Variants in ALX4 observed in about 807,000 individuals in gnomAD.
The protein encoded by ALX4 is ALX homeobox 4.
A neutral mutation model predicts 40.6 loss-of-function variants in ALX4; 22 were observed. The observed-to-expected ratio is 0.54, with a 90% confidence interval of 0.39 to 0.77. ALX4 has a LOEUF of 0.77. Among genes scored for constraint, ALX4 ranks in the 30% least tolerant of loss-of-function variants. ALX4 has a pLI of 0.00. For missense variants in ALX4, 556 were observed against 564.8 expected, an observed-to-expected ratio of 0.98 and a Z score of 0.16; for synonymous variants, 266 against 240.5, an observed-to-expected ratio of 1.11 and a Z score of -0.98.
chr11:44,272,941 A>G (rs1216790827), intron 2 of ALX4, among the ~76,000 whole-genome samples: 1 of 152,208 alleles, frequency 6.6e-6, no homozygotes, highest in Non-Finnish European at 1.5e-5. Context: ...GATAACCACT[A>G]GTCCTTTTCC....
intron 2 of ALX4, among the ~76,000 whole-genome samples, chr11:44,274,350 G>T (rs1208700729): frequency 6.6e-6 from 1 of 151,908 alleles, no homozygotes; most frequent in East Asian, 1.9e-4. Context: ...TGTTGTGTTG[G>T]AAGGGGCTGC....
intron 1 of ALX4, among the ~76,000 whole-genome samples, chr11:44,286,077 A>AAAG (rs1353159617): frequency 6.6e-6 from 1 of 152,190 alleles, no homozygotes; most frequent in Admixed American, 6.5e-5. Context: ...GTCTGCAGGA[A>AAAG]AAGGCCCCAG....
intron 1 of ALX4, among the ~76,000 whole-genome samples, chr11:44,276,789 G>A (rs573011240): frequency 8.5e-5 from 13 of 152,286 alleles, no homozygotes; most frequent in African/African-American, 2.4e-4. Flanking sequence ...TAAGGAGCAC[G>A]CAACCTAGAT....
intron 1 of ALX4, among the ~76,000 whole-genome samples, chr11:44,304,214 T>G (rs1357913718): frequency 6.6e-6 from 1 of 152,260 alleles, no homozygotes; most frequent in South Asian, 2.1e-4. Context: ...GGACCTGTGC[T>G]GATGGCCGGA....
chr11:44,295,764 G>C (rs957037653), intron 1 of ALX4, among the ~76,000 whole-genome samples: 6 of 152,256 alleles, frequency 3.9e-5, no homozygotes, highest in Non-Finnish European at 7.3e-5. Flanking sequence ...TAAAGGAAGT[G>C]GTCCCAGATG....
intron 2 of ALX4, among the ~76,000 whole-genome samples, chr11:44,271,084 C>A (rs1356893921): frequency 1.3e-5 from 2 of 152,186 alleles, no homozygotes; most frequent in African/African-American, 4.8e-5. Context: ...AGGCACCTGG[C>A]TTGCCACCAG....
At chr11:44,266,159 G>C (rs1011607049) in intron 3 of ALX4, among the ~76,000 whole-genome samples, 1 of 152,108 alleles carries the variant, frequency 6.6e-6, no homozygotes, top group African/African-American at 2.4e-5. Flanking sequence ...CAGGGGAAGG[G>C]GGACCGGTTG....
At chr11:44,302,620 G>C (rs1956441047) in intron 1 of ALX4, among the ~76,000 whole-genome samples, 2 of 152,176 alleles carry the variant, frequency 1.3e-5, no homozygotes, top group Non-Finnish European at 2.9e-5. Flanking sequence ...GGACACAGGG[G>C]CCATGAGCCC....
At chr11:44,272,866 T>C (rs1441304440) in intron 2 of ALX4, among the ~76,000 whole-genome samples, 1 of 152,116 alleles carries the variant, frequency 6.6e-6, no homozygotes, top group African/African-American at 2.4e-5. Context: ...TTACAGCAAC[T>C]CAACCGTGCA....
intron 2 of ALX4, among the ~76,000 whole-genome samples, chr11:44,272,483 G>A (rs990825252): frequency 4.2e-5 from 6 of 141,704 alleles, no homozygotes; most frequent in Non-Finnish European, 9.2e-5. Context: ...CAGCCTGGGC[G>A]ACAGAACAAG....
chr11:44,307,912 G>A (rs528900943), intron 1 of ALX4, among the ~76,000 whole-genome samples: 1 of 152,054 alleles, frequency 6.6e-6, no homozygotes, highest in African/African-American at 2.4e-5. Context: ...AGCTGTGGGT[G>A]TCTGTGTGTG....
At chr11:44,308,628 G>GTC (rs1241790870) in intron 1 of ALX4, among the ~76,000 whole-genome samples, 1 of 152,242 alleles carries the variant, frequency 6.6e-6, no homozygotes, top group Non-Finnish European at 1.5e-5. Flanking sequence ...GTCCTTGAGT[G>GTC]TCTCTCTCTC....
intron 1 of ALX4, among the ~76,000 whole-genome samples, chr11:44,284,251 T>G (rs1956326138): frequency 6.6e-6 from 1 of 152,152 alleles, no homozygotes; most frequent in African/African-American, 2.4e-5. Context: ...GAATTAATTT[T>G]CTATTTGTTT....
chr11:44,306,423 G>A (rs1206827227), intron 1 of ALX4, among the ~76,000 whole-genome samples: 1 of 152,244 alleles, frequency 6.6e-6, no homozygotes, highest in African/African-American at 2.4e-5. Context: ...CTTCCTTGCC[G>A]AGAGGCAATT....
chr11:44,293,175 G>T (rs1377939172), intron 1 of ALX4, among the ~76,000 whole-genome samples: 2 of 127,500 alleles, frequency 1.6e-5, no homozygotes, highest in Admixed American at 1.6e-4. Flanking sequence ...AAGGAAGCAG[G>T]CAGGCAGGGA....
intron 1 of ALX4, among the ~76,000 whole-genome samples, chr11:44,293,653 G>A (rs1458113630): frequency 6.6e-6 from 1 of 152,234 alleles, no homozygotes; most frequent in Non-Finnish European, 1.5e-5. Flanking sequence ...ATACAGCAGA[G>A]CTTGGGCACA....
At chr11:44,279,122 C>T (rs1237855464) in intron 1 of ALX4, among the ~76,000 whole-genome samples, 1 of 152,204 alleles carries the variant, frequency 6.6e-6, no homozygotes, top group Non-Finnish European at 1.5e-5. Context: ...AGCATCTCCA[C>T]CTGGCGCTGG....
chr11:44,286,114 G>A (rs1956337237), intron 1 of ALX4, among the ~76,000 whole-genome samples: 1 of 152,204 alleles, frequency 6.6e-6, no homozygotes, highest in Non-Finnish European at 1.5e-5. Context: ...CCAGACACAG[G>A]AGGTCCTTGG....
chr11:44,266,017 G>A (rs558339213), intron 3 of ALX4, among the ~76,000 whole-genome samples: 1 of 152,288 alleles, frequency 6.6e-6, no homozygotes, highest in South Asian at 2.1e-4. Flanking sequence ...CGGGATTCCT[G>A]GTAACCTCAT....
Sources: gnomAD v4.1 joint callset for allele counts (sites outside exome capture counted in the v4.1 genomes callset) on GRCh38, gnomAD v4.1.1 for gene constraint, MANE v1.5 for transcripts, NCBI Gene and HGNC (gene_info 2026-07-23, HGNC 2026-07-21) for gene names.